C2CD3: variants seen among roughly 807,000 people sequenced by gnomAD.
The protein encoded by C2CD3 is C2 domain containing 3 centriole elongation regulator.
In C2CD3, 148 loss-of-function variants were observed where a neutral mutation model predicts 234.0. The observed-to-expected ratio is 0.63, with a 90% CI of 0.55 to 0.72. The LOEUF is 0.72. Ranked by LOEUF, C2CD3 falls within the 30% of genes least tolerant of loss-of-function variation. The probability of loss-of-function intolerance (pLI) is 0.00; values close to 1 mark genes in which losing one functional copy is unlikely to be tolerated. For missense variants in C2CD3, 2,577 were observed against 2,811.5 expected, an observed-to-expected ratio of 0.92 and a Z score of 1.89; for synonymous variants, 1,000 against 1,035.4, an observed-to-expected ratio of 0.97 and a Z score of 0.66.
At chr11:74,061,885 G>A (rs1331654996) in intron 24 of C2CD3, among the ~76,000 whole-genome samples, 2 of 152,104 alleles carry the variant, frequency 1.3e-5, no homozygotes, top group Non-Finnish European at 2.9e-5. Context: ...CCCATCTCAC[G>A]TGCAGAGACA....
intron 30 of C2CD3, among the ~76,000 whole-genome samples, chr11:74,037,213 A>G (rs569987127): frequency 6.6e-6 from 1 of 152,324 alleles, no homozygotes; most frequent in Admixed American, 6.5e-5. Context: ...GGACACGTTC[A>G]GAGTCAGACT....
In C2CD3 at chr11:74,138,599, TG is replaced by T. The variant is rs539627170; in HGVS notation, c.955+120del. On this transcript the variant is annotated intron_variant, in intron 5 of 32. Transcript: ENST00000334126. ...GTGAGATGCTGGACTCTAGCAAGAC[TG>T]CCTGTTTTTATTTGACTTAGTTCAA... 3.0e-4 allele frequency: 226 copies of T among 752,318 alleles called. No homozygotes were observed. In the South Asian group the frequency reaches 3.7e-3, roughly 12 times the overall value. The allele number at this position is 752,318 out of a possible 1,614,324, so 46.6% of individuals were successfully genotyped here.
At position 74,166,532 on chromosome 11, in the gene C2CD3, T is replaced by C. The variant is rs1045853480; in HGVS notation, c.325+1812A>G. Among the ~76,000 whole-genome samples, 8 of 152,162 alleles carry C rather than the reference T, an allele frequency of 5.3e-5. No individual in the cohort carries two copies. In the East Asian group the frequency reaches 1.5e-3, roughly 29 times the overall value. On this transcript the variant is annotated intron_variant, in intron 2 of 32. Transcript: ENST00000334126. ...AGAAGATGAAATGGCTTGCTCAAAG[T>C]CAAACAGCAAGAGCATAGAGTAGAA...
intron 31 of C2CD3, among the ~76,000 whole-genome samples, chr11:74,030,703 A>G (rs28604496): frequency 0.042 from 6,320 of 152,094 alleles, 434 homozygotes; most frequent in African/African-American, 0.15. Context: ...ATCGACTCCC[A>G]GAGATGCCTA....
chr11:74,156,869 G>A (rs1856065651), intron 3 of C2CD3, among the ~76,000 whole-genome samples: 1 of 152,240 alleles, frequency 6.6e-6, no homozygotes, highest in African/African-American at 2.4e-5. Flanking sequence ...TACGCTGGAG[G>A]CTGTGGTGGG....
At chr11:74,078,815 C>A in intron 22 of C2CD3, 98 bp from the exon 23 acceptor site, 1 of 1,129,510 alleles carries the variant, frequency 8.9e-7, no homozygotes, top group Non-Finnish European at 1.2e-6. Context: ...CATCCTGGCT[C>A]AAGACAGAAC....
chr11:74,119,520 C>T (rs1016251521), intron 8 of C2CD3, among the ~76,000 whole-genome samples: 1 of 151,966 alleles, frequency 6.6e-6, no homozygotes, highest in South Asian at 2.1e-4. Context: ...TTAAGTCTAT[C>T]ATTTAAAATT....
rs776854857 is a variant in C2CD3, at chr11:74,013,488, C to G, written c.6959G>C (p.Arg2320Thr). The change falls in exon 33 of 33, where the codon AGG (arginine) becomes ACG (threonine). Residue 2320 changes from arginine to threonine, a missense_variant. Arg to Thr is a moderately conservative substitution (Grantham distance 71). Transcript: ENST00000334126. Reference protein sequence around the residue: ...SEATRGALSQRPCRPRPNSLP... With the variant: ...SEATRGALSQTPCRPRPNSLP... ...CGAGTTAGGTCTGGGGCGACAAGGC[C>G]TTTGGGAGAGAGCTCCCCTGGTGGC... The G allele has an allele frequency of 6.4e-6, 9 of 1,398,782 alleles. No individual in the cohort carries two copies. The highest frequency in any genetic ancestry group is 3.7e-6 in the Non-Finnish European group (4 of 1,081,590). 86.6% of individuals were successfully genotyped at this position (1,398,782 alleles called of 1,614,324 possible). A position where few individuals can be genotyped will look rare whatever the true frequency, so the allele number is the denominator to read the frequency against.
intron 32 of C2CD3, among the ~76,000 whole-genome samples, chr11:74,017,906 A>G (rs2135399184): frequency 6.6e-6 from 1 of 152,274 alleles, no homozygotes; most frequent in East Asian, 1.9e-4. Context: ...AACAGGCCAC[A>G]TGCTCCCAGG....
intron 31 of C2CD3, 47 bp downstream of exon 31, chr11:74,033,304 T>C (rs972261212): frequency 2.7e-6 from 4 of 1,492,096 alleles, no homozygotes; most frequent in South Asian, 1.2e-5. Context: ...ACTAGGCTAG[T>C]CTAAGTACCT....
At chr11:74,059,655 C>T (rs1954136246) in intron 24 of C2CD3, among the ~76,000 whole-genome samples, 1 of 152,164 alleles carries the variant, frequency 6.6e-6, no homozygotes, top group East Asian at 1.9e-4. Flanking sequence ...AACAAGTAGT[C>T]TTGAAAGAGG....
chr11:74,165,197 T>C (rs1565362496), intron 2 of C2CD3, among the ~76,000 whole-genome samples: 1 of 152,234 alleles, frequency 6.6e-6, no homozygotes, highest in Non-Finnish European at 1.5e-5. Flanking sequence ...TCTTTTTTTA[T>C]ATGTTATTTT....
At chr11:74,065,428 G>A (rs113968955) in intron 24 of C2CD3, among the ~76,000 whole-genome samples, 2,674 of 152,226 alleles carry the variant, frequency 0.018, 78 homozygotes, top group African/African-American at 0.061. Context: ...TGCTGGGGAG[G>A]GTGTGGAGAA....
Position 74,013,448 on chromosome 11 carries a change from C to A in C2CD3, c.6999G>T (p.Leu2333=). 2 of 1,426,932 alleles carry A rather than the reference C, an allele frequency of 1.4e-6. No individual in the cohort carries two copies. Among genetic ancestry groups the A allele is most frequent in the Non-Finnish European group, 9.1e-7 (1 of 1,093,406 alleles). The allele number at this position is 1,426,932 out of a possible 1,614,324, so 88.4% of individuals were successfully genotyped here. Reference sequence around the variant, plus strand: ...CAATCCTGAGAGTTTCTTCCTCAGGCAGGTTGAGGGGGAGCGAGTTAGGTC... The same window carrying A: ...CAATCCTGAGAGTTTCTTCCTCAGGAAGGTTGAGGGGGAGCGAGTTAGGTC... ...RPRPNSLPLN[L]PEEETLRIAR... The change falls in exon 33 of 33, where the codon CTG becomes CTT. Residue 2333 remains leucine (L), a synonymous_variant. Coordinates refer to ENST00000334126, the MANE Select transcript of C2CD3 (RefSeq NM_001286577.2).
chr11:74,034,655 G>A, intron 30 of C2CD3: 2 of 1,477,248 alleles, frequency 1.4e-6, no homozygotes, highest in Non-Finnish European at 1.9e-6. Flanking sequence ...CCTATTTGAT[G>A]ACAGTTATTA....
At chr11:74,090,732 A>G in intron 20 of C2CD3, 81 bp downstream of exon 20, 1 of 1,497,302 alleles carries the variant, frequency 6.7e-7, no homozygotes, top group Non-Finnish European at 9.2e-7. Context: ...TATACCTAAG[A>G]AAGTTTTGCA....
chr11:74,119,635 CTT>C lies in C2CD3; in HGVS notation c.1366-1255_1366-1254del, dbSNP rs527594045. Among the ~76,000 whole-genome samples the C allele has an allele frequency of 2.5e-3, 347 of 137,560 alleles. 2 individuals are homozygous for C. Among genetic ancestry groups the C allele is most frequent in the African/African-American group, 8.4e-3 (316 of 37,496 alleles). 90.2% of individuals were successfully genotyped at this position (137,560 alleles called of 152,430 possible). On this transcript the variant is annotated intron_variant, in intron 8 of 32. Transcript: ENST00000334126. ...GAATGTCTTCTTGGAAGCAATACAA[CTT>C]TTTTTTTTTTTTTTTTGAGATGGAG...
In C2CD3 at chr11:74,122,973, G is replaced by A; in HGVS notation, c.1365+15C>T. On this transcript the variant is annotated intron_variant, in intron 8 of 32. Transcript: ENST00000334126. ...TTGTTCTCTAATTCTCAATGCTTCA[G>A]GTTCAGTGACTTACAGGTGCTGTAT... The A allele has an allele frequency of 6.2e-7, 1 of 1,606,058 alleles. No homozygotes were observed. The highest frequency in any genetic ancestry group is 2.2e-5 in the East Asian group (1 of 44,834).
chr11:74,154,927 G>C (rs1855913944), intron 3 of C2CD3, among the ~76,000 whole-genome samples: 1 of 152,198 alleles, frequency 6.6e-6, no homozygotes, highest in African/African-American at 2.4e-5. Flanking sequence ...AAATTTAAAA[G>C]AGTGACCATA....
Sources: allele counts gnomAD v4.1 joint callset (sites outside exome capture counted in the v4.1 genomes callset), GRCh38; gene constraint gnomAD v4.1.1; transcripts MANE v1.5; gene names NCBI Gene and HGNC (gene_info 2026-07-23, HGNC 2026-07-21).